APP: variants seen among roughly 807,000 people sequenced by gnomAD.
The protein encoded by APP is amyloid beta precursor protein.
In APP, 31 loss-of-function variants were observed where a neutral mutation model predicts 101.4. The observed-to-expected ratio is 0.31, with a 90% CI of 0.23 to 0.41. APP has a LOEUF of 0.41. Among genes scored for constraint, APP ranks in the 10% least tolerant of loss-of-function variants. The probability of loss-of-function intolerance (pLI) is 1.00; values close to 1 mark genes in which losing one functional copy is unlikely to be tolerated. For synonymous variants in APP, 366 were observed against 364.4 expected (o/e 1.00, Z -0.05); for missense variants, 839 against 1,003.7 (o/e 0.84, Z 2.22).
intron 2 of APP, among the ~76,000 whole-genome samples, chr21:26,110,726 G>A (rs1007200152): frequency 1.6e-4 from 25 of 151,960 alleles, no homozygotes; most frequent in Non-Finnish European, 2.4e-4. Flanking sequence ...CAATAGAATA[G>A]TAATATTAAT....
At chr21:26,091,612 A>T (rs1041544901) in intron 2 of APP, among the ~76,000 whole-genome samples, 3 of 152,192 alleles carry the variant, frequency 2.0e-5, no homozygotes, top group Non-Finnish European at 4.4e-5. Flanking sequence ...TAAAATCTTC[A>T]AAGTCTGAAT....
At chr21:26,061,612 T>A (rs1181331047) in intron 3 of APP, among the ~76,000 whole-genome samples, 1 of 152,126 alleles carries the variant, frequency 6.6e-6, no homozygotes, top group East Asian at 1.9e-4. Flanking sequence ...AGCTTCAGAG[T>A]GTGGGCAGTT....
At chr21:25,898,439 A>T (rs368487576) in intron 15 of APP, among the ~76,000 whole-genome samples, 1 of 152,214 alleles carries the variant, frequency 6.6e-6, no homozygotes, top group Non-Finnish European at 1.5e-5. Flanking sequence ...AAAACCAAAA[A>T]CATAAGTAAA....
Position 26,112,859 on chromosome 21 carries a change from T to A in APP, c.58-713A>T, listed in dbSNP as rs559163026. Among the ~76,000 whole-genome samples, 127 of 152,304 alleles carry A rather than the reference T, an allele frequency of 8.3e-4. 1 individual carries two copies. The Middle Eastern group carries it at 0.014, about 16-fold the overall frequency. ...ATTTGGAGCTCTACATAGTGCCTGC[T>A]GGGTAGTAAGTAAGGGGTCCTAGCT... On this transcript the variant is annotated intron_variant, in intron 1 of 17. Transcript: ENST00000346798.
intron 7 of APP, among the ~76,000 whole-genome samples, chr21:25,998,390 GAA>G (rs377532580): frequency 4.5e-4 from 50 of 110,034 alleles, no homozygotes; most frequent in South Asian, 1.1e-3. Context: ...ATCAGAGCCA[GAA>G]AAAAAAAAAA....
At chr21:25,963,300 G>A (rs1000657543) in intron 11 of APP, among the ~76,000 whole-genome samples, 1 of 152,180 alleles carries the variant, frequency 6.6e-6, no homozygotes, top group Non-Finnish European at 1.5e-5. Context: ...GTTCACGTGG[G>A]AAGTGTATTA....
At chr21:26,116,863 G>C (rs1601504095) in intron 1 of APP, among the ~76,000 whole-genome samples, 1 of 152,040 alleles carries the variant, frequency 6.6e-6, no homozygotes, top group African/African-American at 2.4e-5. Flanking sequence ...AAACTTCTTC[G>C]AGTCAGATTC....
intron 1 of APP, among the ~76,000 whole-genome samples, chr21:26,151,131 T>C (rs370161185): frequency 2.6e-5 from 4 of 152,202 alleles, no homozygotes; most frequent in African/African-American, 9.6e-5. Context: ...CAAAGATTCT[T>C]ATATCTTTGG....
intron 5 of APP, among the ~76,000 whole-genome samples, chr21:26,042,246 A>G (rs2045405107): frequency 6.6e-6 from 1 of 152,248 alleles, no homozygotes; most frequent in Non-Finnish European, 1.5e-5. Flanking sequence ...ATATATAGTC[A>G]AATACAGCCT....
At chr21:26,018,508 C>T (rs2044199788) in intron 6 of APP, among the ~76,000 whole-genome samples, 1 of 152,222 alleles carries the variant, frequency 6.6e-6, no homozygotes, top group Non-Finnish European at 1.5e-5. Flanking sequence ...GGACTCTTTG[C>T]AGCTGACCCC....
intron 3 of APP, among the ~76,000 whole-genome samples, chr21:26,057,912 CAAT>C (rs2145981875): frequency 6.6e-6 from 1 of 152,270 alleles, no homozygotes; most frequent in Admixed American, 6.5e-5. Context: ...GTCAATTTGA[CAAT>C]AAAACTAGAC....
At chr21:25,969,919 G>GGGTAAGGGAGGGGAGGGGAGGGGAAA (rs1457457337) in intron 11 of APP, among the ~76,000 whole-genome samples, 1 of 130,034 alleles carries the variant, frequency 7.7e-6, no homozygotes, top group African/African-American at 3.3e-5. Flanking sequence ...GGGAGGGGAA[G>GGGTAAGGGAGGGGAGGGGAGGGGAAA]AGAAAAGGAA....
intron 6 of APP, among the ~76,000 whole-genome samples, chr21:26,005,348 A>C (rs978288755): frequency 1.3e-5 from 2 of 152,220 alleles, no homozygotes; most frequent in African/African-American, 4.8e-5. Context: ...TGGGAAGCGT[A>C]CATTGCAGTG....
chr21:26,120,451 G>A (rs1050576045), intron 1 of APP, among the ~76,000 whole-genome samples: 6 of 152,104 alleles, frequency 3.9e-5, no homozygotes, highest in African/African-American at 1.2e-4. Flanking sequence ...ACCATGCCTG[G>A]CCATAAATAT....
At chr21:25,954,441 G>T in intron 13 of APP, 149 bp downstream of exon 13, 1 of 736,650 alleles carries the variant, frequency 1.4e-6, no homozygotes, top group East Asian at 2.7e-5. Context: ...GCTAAGGCTA[G>T]TAAGCTAGTT....
chr21:26,057,085 C>T (rs1253373439), intron 3 of APP, among the ~76,000 whole-genome samples: 1 of 152,178 alleles, frequency 6.6e-6, no homozygotes, highest in East Asian at 1.9e-4. Flanking sequence ...ACTGTACTTT[C>T]TACTCAAACT....
intron 6 of APP, among the ~76,000 whole-genome samples, chr21:26,001,799 C>T (rs919966099): frequency 5.3e-5 from 2 of 38,020 alleles, no homozygotes; most frequent in Non-Finnish European, 1.0e-4. Flanking sequence ...GCCACTGGTC[C>T]TTCAACAGAT....
intron 5 of APP, among the ~76,000 whole-genome samples, chr21:26,023,438 G>A (rs1038044678): frequency 1.3e-5 from 2 of 151,486 alleles, no homozygotes; most frequent in African/African-American, 4.9e-5. Flanking sequence ...TACTCAGAAG[G>A]CTGGGGCGGG....
At chr21:25,913,061 T>C (rs2039163176) in intron 13 of APP, among the ~76,000 whole-genome samples, 1 of 152,226 alleles carries the variant, frequency 6.6e-6, no homozygotes, top group African/African-American at 2.4e-5. Flanking sequence ...ACATCACTGG[T>C]TAGTTTTATT....
Sources: gnomAD v4.1 joint callset for allele counts (sites outside exome capture counted in the v4.1 genomes callset) on GRCh38, gnomAD v4.1.1 for gene constraint, MANE v1.5 for transcripts, NCBI Gene and HGNC (gene_info 2026-07-23, HGNC 2026-07-21) for gene names.